KMT2E: variants seen among roughly 807,000 people sequenced by gnomAD.
The protein encoded by KMT2E is histone reader KMT2E.
Under a neutral mutation model 184.6 loss-of-function variants are expected in KMT2E, and 30 were observed. The observed-to-expected ratio is 0.16, with a 90% CI of 0.12 to 0.22. The LOEUF (loss-of-function observed/expected upper bound fraction) is 0.22. Ranked by LOEUF, KMT2E falls within the 10% of genes least tolerant of loss-of-function variation. The pLI, the probability that KMT2E is intolerant of heterozygous loss-of-function variation, is 1.00. For synonymous variants in KMT2E, 815 were observed against 776.5 expected (o/e 1.05, Z -0.82); for missense variants, 2,023 against 2,237.4 (o/e 0.90, Z 1.93).
intron 13 of KMT2E, among the ~76,000 whole-genome samples, chr7:105,086,140 T>A (rs540754134): frequency 1.3e-5 from 2 of 152,340 alleles, no homozygotes; most frequent in Middle Eastern, 3.4e-3. Context: ...TACCTATACT[T>A]CATTTATTTT....
At chr7:105,086,027 T>G (rs2129568633) in intron 13 of KMT2E, among the ~76,000 whole-genome samples, 1 of 152,344 alleles carries the variant, frequency 6.6e-6, no homozygotes, top group African/African-American at 2.4e-5. Context: ...GCAAATATTA[T>G]CTAGAATTTT....
intron 1 of KMT2E, among the ~76,000 whole-genome samples, chr7:105,034,237 T>G (rs573886045): frequency 5.4e-4 from 82 of 151,622 alleles, no homozygotes; most frequent in African/African-American, 1.6e-3. Flanking sequence ...GTGTGTGTGT[T>G]TGTTTGTTTG....
At chr7:105,077,640 C>G (rs141735263) in intron 11 of KMT2E, 302 of 482,962 alleles carry the variant, frequency 6.3e-4, no homozygotes, top group African/African-American at 5.5e-3. Context: ...AGATATATTC[C>G]GGTCTCTTGC....
At chr7:105,087,086 C>T (rs757294365) in intron 13 of KMT2E, among the ~76,000 whole-genome samples, 4 of 145,470 alleles carry the variant, frequency 2.7e-5, no homozygotes, top group African/African-American at 7.6e-5. Flanking sequence ...TAATATATAG[C>T]GTATGTAATA....
chr7:105,078,847 C>T lies in KMT2E; in HGVS notation c.1132C>T (p.Pro378Ser), dbSNP rs200903934. The T allele has an allele frequency of 2.0e-5, 30 of 1,519,122 alleles. No homozygotes were observed. Among genetic ancestry groups the T allele is most frequent in the Non-Finnish European group, 2.2e-5 (24 of 1,094,648 alleles). 94.1% of individuals were successfully genotyped at this position (1,519,122 alleles called of 1,614,324 possible). A position where few individuals can be genotyped will look rare whatever the true frequency, so the allele number is the denominator to read the frequency against. ...CTTATAATGTTTCTTTCTTTGTAGACCATACCCTTTTGTGTTATTCTACTC... is the reference window on the plus strand; with the variant it reads ...CTTATAATGTTTCTTTCTTTGTAGATCATACCCTTTTGTGTTATTCTACTC... ...FEANGYFFKR[P>S]YPFVLFYSKF... The change falls in exon 12 of 27, where the codon CCA (proline) becomes TCA (serine). Residue 378 changes from proline to serine, a missense_variant and splice_region_variant. Transcript: ENST00000311117.
In KMT2E at chr7:105,022,216, CTAT is replaced by C. The variant is rs528292400; in HGVS notation, c.-189+7685_-189+7687del. Among the ~76,000 whole-genome samples, 355 of 152,134 alleles carry C rather than the reference CTAT, an allele frequency of 2.3e-3. 1 individual carries two copies. Among genetic ancestry groups the C allele is most frequent in the African/African-American group, 7.9e-3 (328 of 41,496 alleles). On this transcript the variant is annotated intron_variant, in intron 1 of 26. Coordinates refer to ENST00000311117, the MANE Select transcript of KMT2E (RefSeq NM_182931.3). ...CATATTCTAGTTTTATCAGTTGTCC[CTAT>C]TATGTCCTTTATTAGCATTTTTTTC...
intron 8 of KMT2E, among the ~76,000 whole-genome samples, chr7:105,075,830 G>A (rs1409336049): frequency 6.6e-6 from 1 of 152,076 alleles, no homozygotes; most frequent in African/African-American, 2.4e-5. Context: ...GGGACGACAG[G>A]TGCCCGCCAC....
At chr7:105,063,953 T>G in intron 5 of KMT2E, 1 of 449,710 alleles carries the variant, frequency 2.2e-6, no homozygotes, top group Non-Finnish European at 4.4e-6. Context: ...ATTTTCCAGT[T>G]TGCGGAAATT....
At chr7:105,042,377 A>G (rs1156259149) in intron 3 of KMT2E, among the ~76,000 whole-genome samples, 1 of 152,012 alleles carries the variant, frequency 6.6e-6, no homozygotes, top group Non-Finnish European at 1.5e-5. Context: ...AATTTTTTTC[A>G]CTTGTAATAC....
intron 15 of KMT2E, among the ~76,000 whole-genome samples, chr7:105,093,605 AC>A (rs1798295130): frequency 6.6e-6 from 1 of 152,060 alleles, no homozygotes; most frequent in South Asian, 2.1e-4. Flanking sequence ...AATCACTTGA[AC>A]CTGGGAGGCG....
intron 15 of KMT2E, 71 bp from the exon 16 acceptor site, chr7:105,101,354 C>A: frequency 1.9e-6 from 2 of 1,066,180 alleles, no homozygotes; most frequent in Non-Finnish European, 2.6e-6. Context: ...ACATTTATCA[C>A]AAACATTTGG....
chr7:105,027,015 C>G (rs1374288341), intron 1 of KMT2E, among the ~76,000 whole-genome samples: 1 of 150,830 alleles, frequency 6.6e-6, no homozygotes, highest in Admixed American at 6.6e-5. Context: ...GATGAGCTCA[C>G]TATATGTGGG....
chr7:105,099,023 A>C (rs1258239442), intron 15 of KMT2E, among the ~76,000 whole-genome samples: 22 of 152,210 alleles, frequency 1.4e-4, no homozygotes, highest in Non-Finnish European at 2.9e-5. Context: ...TTTTGTCTTT[A>C]AATAGGTACC....
rs1396669294 is a variant in KMT2E at position 105,078,864 on chromosome 7, A to G, written c.1149A>G (p.Leu383=). The change falls in exon 12 of 27, where the codon TTA becomes TTG. Residue 383 remains leucine (L), a synonymous_variant. Coordinates refer to ENST00000311117, the MANE Select transcript of KMT2E (RefSeq NM_182931.3). ...TTTGTAGACCATACCCTTTTGTGTT[A>G]TTCTACTCTAAATTTCATGGGCTAG... The part of the protein sequence containing the change: ...YFFKRPYPFV[L]FYSKFHGLEM... 1 of 1,589,980 alleles carries G rather than the reference A, an allele frequency of 6.3e-7. No individual in the cohort carries two copies. Among genetic ancestry groups the G allele is most frequent in the East Asian group, 2.2e-5 (1 of 44,668 alleles).
intron 15 of KMT2E, among the ~76,000 whole-genome samples, chr7:105,092,963 G>A (rs981646673): frequency 4.6e-5 from 7 of 151,754 alleles, no homozygotes; most frequent in African/African-American, 1.7e-4. Flanking sequence ...GGAGGCTTAG[G>A]TGGGAAGATC....
At chr7:105,073,897 A>G (rs997400394) in intron 7 of KMT2E, among the ~76,000 whole-genome samples, 1 of 152,190 alleles carries the variant, frequency 6.6e-6, no homozygotes. Flanking sequence ...TAAAATGGAA[A>G]TGAGAGGAAA....
intron 7 of KMT2E, among the ~76,000 whole-genome samples, 165 bp downstream of exon 7, chr7:105,073,842 A>AT (rs369222358): frequency 3.2e-4 from 48 of 150,260 alleles, no homozygotes; most frequent in African/African-American, 7.8e-4. Context: ...GATTTCAAGT[A>AT]TTTTTTTTTT....
chr7:105,063,242 C>T (rs1205118208), intron 4 of KMT2E, 109 bp from the exon 5 acceptor site: 9 of 766,766 alleles, frequency 1.2e-5, no homozygotes, highest in East Asian at 2.8e-5. Flanking sequence ...GAGCCAGTCT[C>T]ATATCTCTTG....
chr7:105,033,201 A>C (rs1168841045), intron 1 of KMT2E, among the ~76,000 whole-genome samples: 1 of 152,196 alleles, frequency 6.6e-6, no homozygotes, highest in Non-Finnish European at 1.5e-5. Context: ...CTATTTTTTC[A>C]TGTTACAATC....
Sources: allele counts gnomAD v4.1 joint callset (sites outside exome capture counted in the v4.1 genomes callset), GRCh38; gene constraint gnomAD v4.1.1; transcripts MANE v1.5; gene names NCBI Gene and HGNC (gene_info 2026-07-23, HGNC 2026-07-21).